The following CRISPLD2 variants were observed in gnomAD, a reference collection of about 807,000 sequenced individuals.
The protein encoded by CRISPLD2 is cysteine rich secretory protein LCCL domain containing 2.
A neutral mutation model predicts 71.1 loss-of-function variants in CRISPLD2; 47 were observed. That is an observed-to-expected ratio of 0.66 (90% CI 0.52 to 0.84). The LOEUF is 0.84. Among genes scored for constraint, CRISPLD2 ranks in the 40% least tolerant of loss-of-function variants. The pLI is 0.00. For synonymous variants in CRISPLD2, 317 were observed against 250.1 expected, an observed-to-expected ratio of 1.27 and a Z score of -2.52; for missense variants, 830 against 651.1, an observed-to-expected ratio of 1.27 and a Z score of -2.99.
chr16:84,838,894 G>T (rs532181862), intron 2 of CRISPLD2, 159 bp downstream of exon 2: 16 of 981,032 alleles, frequency 1.6e-5, no homozygotes, highest in African/African-American at 3.2e-5. Flanking sequence ...GTTCTGTTTT[G>T]TTTGTTTGTT....
At chr16:84,900,693 TCTCAGGCACC>T (rs1315706355) in intron 14 of CRISPLD2, among the ~76,000 whole-genome samples, 1 of 152,156 alleles carries the variant, frequency 6.6e-6, no homozygotes, top group East Asian at 1.9e-4. Flanking sequence ...AGGCGCTCAC[TCTCAGGCACC>T]CTCACACAAA....
intron 7 of CRISPLD2, among the ~76,000 whole-genome samples, chr16:84,868,321 C>T (rs779429496): frequency 1.3e-5 from 2 of 152,206 alleles, no homozygotes; most frequent in South Asian, 2.1e-4. Flanking sequence ...AACTATAACA[C>T]GACTCCGAGA....
At chr16:84,830,166 T>C (rs995922209) in intron 1 of CRISPLD2, among the ~76,000 whole-genome samples, 1 of 151,986 alleles carries the variant, frequency 6.6e-6, no homozygotes, top group Non-Finnish European at 1.5e-5. Flanking sequence ...CTACTATAAA[T>C]ACAAAATTAG....
At chr16:84,841,213 G>A (rs1033677133) in intron 2 of CRISPLD2, among the ~76,000 whole-genome samples, 5 of 152,358 alleles carry the variant, frequency 3.3e-5, no homozygotes, top group Non-Finnish European at 5.9e-5. Context: ...CCCACTCTGC[G>A]GAGGAGCCAT....
At chr16:84,890,232 G>A (rs889058515) in intron 14 of CRISPLD2, among the ~76,000 whole-genome samples, 6 of 152,278 alleles carry the variant, frequency 3.9e-5, no homozygotes, top group South Asian at 2.1e-4. Flanking sequence ...GGTGGCACAC[G>A]CCTGTAGTCC....
chr16:84,863,704 T>C (rs1917452584), intron 6 of CRISPLD2, among the ~76,000 whole-genome samples: 1 of 151,898 alleles, frequency 6.6e-6, no homozygotes, highest in African/African-American at 2.4e-5. Flanking sequence ...GCGCGGTGGC[T>C]CATGCCTGTA....
intron 13 of CRISPLD2, among the ~76,000 whole-genome samples, chr16:84,885,698 A>G (rs1316127688): frequency 1.3e-5 from 2 of 152,256 alleles, no homozygotes; most frequent in African/African-American, 4.8e-5. Context: ...GAAAGCAGGA[A>G]ATCCACTTTT....
intron 14 of CRISPLD2, among the ~76,000 whole-genome samples, chr16:84,895,576 T>C (rs1038681712): frequency 2.6e-5 from 4 of 152,220 alleles, no homozygotes; most frequent in Non-Finnish European, 5.9e-5. Context: ...GATTGTATTA[T>C]ACGTGCTAGT....
At chr16:84,898,221 C>G (rs773358347) in intron 14 of CRISPLD2, among the ~76,000 whole-genome samples, 3 of 152,206 alleles carry the variant, frequency 2.0e-5, no homozygotes, top group East Asian at 3.8e-4. Context: ...AAGTGCTGTC[C>G]TAATGCAATG....
At chr16:84,873,683 A>T (rs974811711) in intron 10 of CRISPLD2, among the ~76,000 whole-genome samples, 1 of 152,134 alleles carries the variant, frequency 6.6e-6, no homozygotes. Context: ...GAAAACCATT[A>T]TTCTTAGAAG....
rs141415098 is a variant in CRISPLD2 at position 84,859,980 on chromosome 16, A to G, written c.709+5151A>G. ...ATGCAGGTGCTGCCTTTACAAATCT[A>G]TTTCACAAAGCATTAGTCAAGGGTA... On this transcript the variant is annotated intron_variant, in intron 6 of 14. Coordinates refer to ENST00000262424, the MANE Select transcript of CRISPLD2 (RefSeq NM_031476.4). 4.5e-4 allele frequency among the ~76,000 whole-genome samples: 69 copies of G among 152,346 alleles called. 1 individual carries two copies. The East Asian group carries it at 0.012, about 26-fold the overall frequency.
intron 5 of CRISPLD2, 31 bp downstream of exon 5, chr16:84,850,714 G>A (rs1189974906): frequency 6.4e-7 from 1 of 1,571,318 alleles, no homozygotes; most frequent in Non-Finnish European, 8.8e-7. Context: ...TGTATGGGGT[G>A]GGGGTTGGGA....
At chr16:84,887,941 A>G (rs781629840) in intron 13 of CRISPLD2, among the ~76,000 whole-genome samples, 3 of 152,248 alleles carry the variant, frequency 2.0e-5, no homozygotes, top group Admixed American at 1.3e-4. Flanking sequence ...TTAATAAATC[A>G]GATCGCTAGA....
At chr16:84,856,410 C>G (rs139464558) in intron 6 of CRISPLD2, among the ~76,000 whole-genome samples, 2,272 of 152,256 alleles carry the variant, frequency 0.015, 27 homozygotes, top group Non-Finnish European at 0.023. Context: ...CCCAAAGTGT[C>G]CAGGTGGCAA....
intron 13 of CRISPLD2, among the ~76,000 whole-genome samples, chr16:84,885,251 C>G (rs2071602261): frequency 6.8e-6 from 1 of 146,660 alleles, no homozygotes; most frequent in South Asian, 2.2e-4. Flanking sequence ...TGTTCGCTTA[C>G]CAAACTCGCC....
At chr16:84,888,863 G>T (rs1036264759) in intron 13 of CRISPLD2, among the ~76,000 whole-genome samples, 1 of 152,150 alleles carries the variant, frequency 6.6e-6, no homozygotes, top group Non-Finnish European at 1.5e-5. Context: ...ATTTAACCTT[G>T]TGAACTGGTT....
At chr16:84,875,414 CTTTTTTTTT>C (rs34028519) in intron 11 of CRISPLD2, among the ~76,000 whole-genome samples, 1 of 87,772 alleles carries the variant, frequency 1.1e-5, no homozygotes, top group African/African-American at 5.6e-5. Flanking sequence ...TATGCATGGA[CTTTTTTTTT>C]TTTTTTTTTT....
At chr16:84,870,031 T>G (rs1262196347) in intron 8 of CRISPLD2, among the ~76,000 whole-genome samples, 1 of 152,330 alleles carries the variant, frequency 6.6e-6, no homozygotes, top group East Asian at 1.9e-4. Context: ...AGCCCCAGTG[T>G]GCCACTGTGG....
intron 5 of CRISPLD2, among the ~76,000 whole-genome samples, chr16:84,851,014 T>G (rs1007183811): frequency 6.6e-6 from 1 of 152,174 alleles, no homozygotes; most frequent in Non-Finnish European, 1.5e-5. Context: ...CCTTATGTTC[T>G]TTGCCAGAAT....
Sources: gnomAD v4.1 joint callset for allele counts (sites outside exome capture counted in the v4.1 genomes callset) on GRCh38, gnomAD v4.1.1 for gene constraint, MANE v1.5 for transcripts, NCBI Gene and HGNC (gene_info 2026-07-23, HGNC 2026-07-21) for gene names.